The following MOB3A variants were observed in gnomAD, a reference collection of about 807,000 sequenced individuals.
The protein encoded by MOB3A is MOB kinase activator 3A.
Under a neutral mutation model 17.8 loss-of-function variants are expected in MOB3A, and 17 were observed. The ratio of observed to expected loss-of-function variants is 0.95; its 90% CI spans 0.65 to 1.43. The LOEUF is 1.43. MOB3A is among the 40% of genes most tolerant of loss of function. The pLI is 0.00. For missense variants in MOB3A, 333 were observed against 310.8 expected (o/e 1.07, Z -0.54); for synonymous variants, 124 against 133.2 (o/e 0.93, Z 0.48).
At chr19:2,085,078 T>C (rs1164616553) in intron 2 of MOB3A, 97 bp downstream of exon 2, 6 of 152,112 alleles carry the variant, frequency 3.9e-5, no homozygotes, top group South Asian at 2.1e-4. Context: ...GGAGGGGTGA[T>C]TGGCCACAGA....
intron 1 of MOB3A, among the ~76,000 whole-genome samples, chr19:2,095,604 C>T (rs1280649127): frequency 6.6e-6 from 1 of 152,234 alleles, no homozygotes; most frequent in Non-Finnish European, 1.5e-5. Flanking sequence ...ACCCCGCACC[C>T]TGTATCCCCC....
At chr19:2,091,321 C>G (rs976095777) in intron 1 of MOB3A, among the ~76,000 whole-genome samples, 14 of 152,194 alleles carry the variant, frequency 9.2e-5, no homozygotes, top group African/African-American at 3.4e-4. Flanking sequence ...GGCTCTGACA[C>G]GGAAGGACAC....
In MOB3A at chr19:2,071,669, A is replaced by C. The variant is rs1231303103; in HGVS notation, c.*1726T>G. ...CTCACCTTCCAAAGGTCTAGGGTAC[A>C]CAGAACTCATGGATTTTGGTCTCGC... On this transcript the variant is annotated 3_prime_UTR_variant, in exon 5 of 5. Coordinates refer to ENST00000357066, the MANE Select transcript of MOB3A (RefSeq NM_130807.3). The C allele has an allele frequency of 6.6e-6, 1 of 152,282 alleles. No individual in the cohort carries two copies. Among genetic ancestry groups the C allele is most frequent in the African/African-American group, 2.4e-5 (1 of 41,440 alleles). 9.4% of individuals were successfully genotyped at this position (152,282 alleles called of 1,614,324 possible). A position where few individuals can be genotyped will look rare whatever the true frequency, so the allele number is the denominator to read the frequency against.
At position 2,071,720 on chromosome 19, in the gene MOB3A, G is replaced by T. The variant is rs2017339597; in HGVS notation, c.*1675C>A. The T allele has an allele frequency of 6.6e-6, 1 of 152,384 alleles. No homozygotes were observed. 9.4% of individuals were successfully genotyped at this position (152,384 alleles called of 1,614,324 possible). A position where few individuals can be genotyped will look rare whatever the true frequency, so the allele number is the denominator to read the frequency against. ...AGCCCCAGGGGCCACACAGAAAAAG[G>T]GGTTCAACTGGAAGTTTGCAGCATC... On this transcript the variant is annotated 3_prime_UTR_variant, in exon 5 of 5. Transcript: ENST00000357066.
chr19:2,080,585 C>A (rs567353493), intron 2 of MOB3A, among the ~76,000 whole-genome samples: 1 of 152,220 alleles, frequency 6.6e-6, no homozygotes, highest in Non-Finnish European at 1.5e-5. Flanking sequence ...CCATGCTGGC[C>A]AGGCTGGTCT....
intron 1 of MOB3A, among the ~76,000 whole-genome samples, chr19:2,095,747 T>C (rs573701011): frequency 5.3e-5 from 8 of 150,840 alleles, no homozygotes; most frequent in Non-Finnish European, 8.8e-5. Context: ...TTTTTCTTTT[T>C]TCTTTTGTTC....
At chr19:2,092,210 C>A (rs1481778897) in intron 1 of MOB3A, among the ~76,000 whole-genome samples, 3 of 151,276 alleles carry the variant, frequency 2.0e-5, no homozygotes. Flanking sequence ...AAATGACCCT[C>A]CCACCTCAGC....
chr19:2,080,917 G>A lies in MOB3A; in HGVS notation c.-119-2238C>T, dbSNP rs531090408. Among the ~76,000 whole-genome samples, 3 of 152,306 alleles carry A rather than the reference G, an allele frequency of 2.0e-5. No homozygotes were observed. In the East Asian group the frequency reaches 5.8e-4, roughly 29 times the overall value. On this transcript the variant is annotated intron_variant, in intron 2 of 4. Transcript: ENST00000357066. ...GTACTTTGAGAGGGTGAGGTAGGTA[G>A]ATGGCTTGCGTCCAGGAGTTTGAGG... is the stretch of plus-strand genomic sequence containing the variant.
chr19:2,090,565 G>A (rs2017602459), intron 1 of MOB3A, among the ~76,000 whole-genome samples: 1 of 152,140 alleles, frequency 6.6e-6, no homozygotes, highest in Non-Finnish European at 1.5e-5. Flanking sequence ...CCCAGGGGGA[G>A]ACCCTGGCCC....
At position 2,093,464 on chromosome 19, in the gene MOB3A, C is replaced by T. The variant is rs563813399; in HGVS notation, c.-274+2762G>A. 8.3e-4 allele frequency among the ~76,000 whole-genome samples: 126 copies of T among 152,272 alleles called. 1 individual carries two copies. The highest frequency in any genetic ancestry group is 2.9e-3 in the African/African-American group (120 of 41,530). The stretch of plus-strand genomic sequence containing the variant: ...CCTTCACTTCTGCCTTTCGGAATCC[C>T]AGAGAAGTCTCTGGAACACACAGTG... On this transcript the variant is annotated intron_variant, in intron 1 of 4. Transcript: ENST00000357066. The surrounding 1 kb of genome is among the most constrained non-coding windows in gnomAD (Gnocchi z 4.6).
chr19:2,077,072 T>G (rs1404655441), intron 3 of MOB3A, 59 bp from the exon 4 acceptor site: 4 of 1,473,630 alleles, frequency 2.7e-6, no homozygotes, highest in Middle Eastern at 1.9e-4. Flanking sequence ...TCCAGAACCC[T>G]TTGCTCCTGG....
In MOB3A at chr19:2,078,200, G is replaced by A; in HGVS notation, c.361C>T (p.Leu121=). 6.2e-7 allele frequency: 1 copy of A among 1,608,308 alleles called. No homozygotes were observed. The change falls in exon 3 of 5, where the codon CTG becomes TTG. Residue 121 remains leucine, a synonymous_variant. Coordinates refer to ENST00000357066, the MANE Select transcript of MOB3A (RefSeq NM_130807.3). Reference sequence around the variant, plus strand: ...TGCGCCTCGATCCAGTCCATCAGCAGGTCCATGTACCTGGGCGCGGAGAGT... The same window carrying A: ...TGCGCCTCGATCCAGTCCATCAGCAAGTCCATGTACCTGGGCGCGGAGAGT... ...TALSAPRYMD[L]LMDWIEAQIN... is the part of the protein sequence containing the mutation.
intron 2 of MOB3A, among the ~76,000 whole-genome samples, chr19:2,079,758 A>G (rs2017462801): frequency 6.6e-6 from 1 of 152,174 alleles, no homozygotes; most frequent in Non-Finnish European, 1.5e-5. Context: ...CCTTGATTTC[A>G]TCCACAAAGA....
chr19:2,093,506 C>A lies in MOB3A; in HGVS notation c.-274+2720G>T, dbSNP rs757229202. 6.6e-6 allele frequency among the ~76,000 whole-genome samples: 1 copy of A among 152,102 alleles called. No individual in the cohort carries two copies. On this transcript the variant is annotated intron_variant, in intron 1 of 4. Coordinates refer to ENST00000357066, the MANE Select transcript of MOB3A (RefSeq NM_130807.3). The surrounding 1 kb of genome is among the most constrained non-coding windows in gnomAD (Gnocchi z 4.6). Reference sequence around the variant, plus strand: ...CACACAGTGGGTGGCTGTGGTCCAGCGTGTGCCTGGCTGTGTATTTAGTAG... The same window carrying A: ...CACACAGTGGGTGGCTGTGGTCCAGAGTGTGCCTGGCTGTGTATTTAGTAG...
chr19:2,077,125 G>T, intron 3 of MOB3A, 112 bp from the exon 4 acceptor site: 1 of 936,958 alleles, frequency 1.1e-6, no homozygotes, highest in Non-Finnish European at 1.6e-6. Flanking sequence ...GGCAGATCGG[G>T]CGCGGTGGCT....
intron 2 of MOB3A, among the ~76,000 whole-genome samples, chr19:2,079,551 C>T (rs1204718873): frequency 6.6e-6 from 1 of 152,216 alleles, no homozygotes; most frequent in African/African-American, 2.4e-5. Context: ...AGGATGCTGG[C>T]CACCGCCAGG....
At position 2,082,577 on chromosome 19, in the gene MOB3A, G is replaced by A. The variant is rs1305365312; in HGVS notation, c.-120+2598C>T. Among the ~76,000 whole-genome samples, 1 of 152,198 alleles carries A rather than the reference G, an allele frequency of 6.6e-6. No homozygotes were observed. The highest frequency in any genetic ancestry group is 2.4e-5 in the African/African-American group (1 of 41,444). The stretch of plus-strand genomic sequence containing the variant: ...TCGAACCCTGGACTCTGTGGGTGAA[G>A]CCACCGCTCTTTCTGCCCCACAACT... On this transcript the variant is annotated intron_variant, in intron 2 of 4. Coordinates refer to ENST00000357066, the MANE Select transcript of MOB3A (RefSeq NM_130807.3). This position sits in a 1 kb window ranked among gnomAD's most constrained non-coding sequence, Gnocchi z 4.1.
rs532728809 is a variant in MOB3A at position 2,073,997 on chromosome 19, C to T, written c.625-573G>A. On this transcript the variant is annotated intron_variant, in intron 4 of 4. Coordinates refer to ENST00000357066, the MANE Select transcript of MOB3A (RefSeq NM_130807.3). ...CGTGAGCCAAGATCGCGCCACTGCACTCCAGCCTGGGTGACAGAGCGAGAC... is the reference window on the plus strand; with the variant it reads ...CGTGAGCCAAGATCGCGCCACTGCATTCCAGCCTGGGTGACAGAGCGAGAC... Among the ~76,000 whole-genome samples, 93 of 151,314 alleles carry T rather than the reference C, an allele frequency of 6.1e-4. 1 individual carries two copies. The highest frequency in any genetic ancestry group is 2.3e-3 in the African/African-American group (93 of 41,118).
intron 1 of MOB3A, among the ~76,000 whole-genome samples, chr19:2,089,924 C>A (rs2017594238): frequency 6.6e-6 from 1 of 151,910 alleles, no homozygotes; most frequent in African/African-American, 2.4e-5. Flanking sequence ...CTAGTTGTGA[C>A]AAACACAAAT....
Sources: gnomAD v4.1 joint callset for allele counts (sites outside exome capture counted in the v4.1 genomes callset) on GRCh38, gnomAD v4.1.1 for gene constraint, Gnocchi (gnomAD v3.1) non-coding constraint, MANE v1.5 for transcripts, NCBI Gene and HGNC (gene_info 2026-07-23, HGNC 2026-07-21) for gene names.